Variants in HIVEP3 observed in about 807,000 individuals in gnomAD.
The protein encoded by HIVEP3 is HIVEP zinc finger 3.
HIVEP3 carries 49 observed loss-of-function variants against 152.8 expected under a neutral mutation model. The ratio of observed to expected loss-of-function variants is 0.32; its 90% CI spans 0.26 to 0.41. The LOEUF (loss-of-function observed/expected upper bound fraction) is 0.41. Among genes scored for constraint, HIVEP3 ranks in the 10% least tolerant of loss-of-function variants. The pLI is 1.00. For synonymous variants in HIVEP3, 1,269 were observed against 1,289.0 expected, an observed-to-expected ratio of 0.98 and a Z score of 0.33; for missense variants, 2,790 against 3,103.3, an observed-to-expected ratio of 0.90 and a Z score of 2.40.
chr1:41,728,859 AG>A (rs1240850365), intron 1 of HIVEP3, among the ~76,000 whole-genome samples: 1 of 152,174 alleles, frequency 6.6e-6, no homozygotes, highest in African/African-American at 2.4e-5. Flanking sequence ...GGCACAGGCT[AG>A]GGTCCCAGAG....
At chr1:42,034,755 T>C (rs955058806) in intron 1 of HIVEP3, among the ~76,000 whole-genome samples, 1 of 152,182 alleles carries the variant, frequency 6.6e-6, no homozygotes, top group African/African-American at 2.4e-5. Flanking sequence ...TATTTAAACC[T>C]CAGTGTTTTT....
intron 1 of HIVEP3, among the ~76,000 whole-genome samples, chr1:42,030,950 T>G (rs1645609403): frequency 6.6e-6 from 1 of 152,180 alleles, no homozygotes; most frequent in Non-Finnish European, 1.5e-5. Flanking sequence ...AGATATAACC[T>G]GAAAACAAAA....
chr1:41,915,068 C>G (rs974194959), intron 1 of HIVEP3, among the ~76,000 whole-genome samples: 7 of 152,128 alleles, frequency 4.6e-5, no homozygotes, highest in African/African-American at 1.7e-4. Flanking sequence ...CAGTAAGCCA[C>G]CGGCTATCCA....
At chr1:41,989,121 G>A (rs575177595) in intron 1 of HIVEP3, among the ~76,000 whole-genome samples, 1 of 152,212 alleles carries the variant, frequency 6.6e-6, no homozygotes, top group Non-Finnish European at 1.5e-5. Flanking sequence ...TAGATGGGAA[G>A]AATGAGTTCA....
intron 5 of HIVEP3, among the ~76,000 whole-genome samples, chr1:41,554,955 C>A (rs1558056486): frequency 6.6e-6 from 1 of 152,198 alleles, no homozygotes; most frequent in Non-Finnish European, 1.5e-5. Context: ...GGGTCAAGAA[C>A]CCACTTGAGG....
chr1:41,996,384 TA>T (rs1353150916), intron 1 of HIVEP3, among the ~76,000 whole-genome samples: 1 of 123,594 alleles, frequency 8.1e-6, no homozygotes, highest in African/African-American at 3.3e-5. Flanking sequence ...AGCAAGAACC[TA>T]TCTCAAAAAA....
chr1:41,957,630 GGAAA>G (rs1645146896), intron 1 of HIVEP3, among the ~76,000 whole-genome samples: 1 of 152,198 alleles, frequency 6.6e-6, no homozygotes, highest in African/African-American at 2.4e-5. Context: ...GATTGGACAT[GGAAA>G]GAAAGCTCAG....
At chr1:41,539,850 A>G (rs1643485472) in intron 5 of HIVEP3, among the ~76,000 whole-genome samples, 1 of 152,264 alleles carries the variant, frequency 6.6e-6, no homozygotes, top group African/African-American at 2.4e-5. Flanking sequence ...TCACATAAAA[A>G]TAAACAGCTA....
intron 3 of HIVEP3, among the ~76,000 whole-genome samples, chr1:41,600,536 T>C (rs1644731012): frequency 6.6e-6 from 1 of 152,116 alleles, no homozygotes; most frequent in Non-Finnish European, 1.5e-5. Context: ...AGTCAACTGG[T>C]GGTTGCCAGA....
At chr1:42,017,534 T>C (rs370870180) in intron 1 of HIVEP3, among the ~76,000 whole-genome samples, 8 of 152,238 alleles carry the variant, frequency 5.3e-5, no homozygotes, top group African/African-American at 1.9e-4. Flanking sequence ...GCTGCCTGTT[T>C]GAGTGTTTGG....
chr1:41,846,894 A>G (rs567732002), intron 1 of HIVEP3, among the ~76,000 whole-genome samples: 1 of 152,350 alleles, frequency 6.6e-6, no homozygotes, highest in East Asian at 1.9e-4. Context: ...ATATAGCCAC[A>G]TACTAACCCC....
Position 41,874,068 on chromosome 1 carries a change from T to G in HIVEP3, c.-801+44345A>C, listed in dbSNP as rs533103078. On this transcript the variant is annotated intron_variant, in intron 1 of 8. Coordinates refer to ENST00000372583, the MANE Select transcript of HIVEP3 (RefSeq NM_024503.5). ...ATCTCTCACCCACCTGAGTTCATAA[T>G]GACTCCTGTGTAGAGCAGACTTCCC... Among the ~76,000 whole-genome samples, 7 of 152,358 alleles carry G rather than the reference T, an allele frequency of 4.6e-5. No individual in the cohort carries two copies. In the South Asian group the frequency reaches 1.5e-3, roughly 32 times the overall value.
At chr1:41,731,500 C>T (rs1646838788) in intron 1 of HIVEP3, among the ~76,000 whole-genome samples, 1 of 152,180 alleles carries the variant, frequency 6.6e-6, no homozygotes, top group African/African-American at 2.4e-5. Context: ...ATGGAACTGA[C>T]CTATGTAACT....
At position 41,575,592 on chromosome 1, in the gene HIVEP3, G is replaced by A. The variant is rs1451127494; in HGVS notation, c.5159C>T (p.Pro1720Leu). The A allele has an allele frequency of 1.9e-6, 3 of 1,614,022 alleles. No individual in the cohort carries two copies. The South Asian group carries it at 3.3e-5, about 18-fold the overall frequency. Reference sequence around the variant, plus strand: ...CGCCGGCTCCCCTCTCTGGGAGGCAGGAGCATCCTCCTCCGGCTCCCCTCT... The same window carrying A: ...CGCCGGCTCCCCTCTCTGGGAGGCAAGAGCATCCTCCTCCGGCTCCCCTCT... ...ERRGEPEEDAPASQRGEPARI... is the reference protein window; with the variant it reads ...ERRGEPEEDALASQRGEPARI... The change falls in exon 5 of 9, where the codon CCT becomes CTT. Residue 1720 changes from proline (P) to leucine (L), a missense_variant. This residue lies in a region of HIVEP3 where 1,078 missense variants were observed against 1,165.3 expected (regional missense o/e 0.93). Coordinates refer to ENST00000372583, the MANE Select transcript of HIVEP3 (RefSeq NM_024503.5).
intron 3 of HIVEP3, among the ~76,000 whole-genome samples, chr1:41,614,684 A>C (rs1204946148): frequency 2.6e-5 from 4 of 152,212 alleles, no homozygotes; most frequent in African/African-American, 4.8e-5. Context: ...ACCCAGGGGA[A>C]ATGAAAGACC....
chr1:41,940,381 T>C (rs1570828741), intron 1 of HIVEP3, among the ~76,000 whole-genome samples: 1 of 152,254 alleles, frequency 6.6e-6, no homozygotes, highest in African/African-American at 2.4e-5. Context: ...ATTTTTCTTA[T>C]GCACCCTCTT....
chr1:41,675,627 A>T (rs1440704710), intron 2 of HIVEP3, among the ~76,000 whole-genome samples: 1 of 152,188 alleles, frequency 6.6e-6, no homozygotes, highest in Admixed American at 6.5e-5. Context: ...ATTGTTTCTC[A>T]ATGCTGAGCC....
chr1:41,919,366 G>A (rs1046578997), upstream of HIVEP3, among the ~76,000 whole-genome samples: 2 of 152,204 alleles, frequency 1.3e-5, no homozygotes, highest in Non-Finnish European at 2.9e-5. Flanking sequence ...AGTGCCTGAA[G>A]GGAGTGGGGT....
At chr1:41,824,782 T>TAG (rs1177279412) in intron 1 of HIVEP3, among the ~76,000 whole-genome samples, 13 of 14,304 alleles carry the variant, frequency 9.1e-4, no homozygotes, top group Non-Finnish European at 1.3e-3. Context: ...TATATATATA[T>TAG]ATAGAGAGAG....
Sources: allele counts gnomAD v4.1 joint callset (sites outside exome capture counted in the v4.1 genomes callset), GRCh38; gene constraint gnomAD v4.1.1; regional missense constraint gnomAD v4.1.1; transcripts MANE v1.5; gene names NCBI Gene and HGNC (gene_info 2026-07-23, HGNC 2026-07-21).